The following ENOX1 variants were observed in gnomAD, a reference collection of about 807,000 sequenced individuals.
ENOX1 encodes candidate growth-related and time keeping constitutive hydroquinone (NADH) oxidase.
A neutral mutation model predicts 82.5 loss-of-function variants in ENOX1; 42 were observed. That is an observed-to-expected ratio of 0.51 (90% CI 0.40 to 0.66). The LOEUF is 0.66. Ranked by LOEUF, ENOX1 falls within the 30% of genes least tolerant of loss-of-function variation. ENOX1 has a pLI of 0.00. For synonymous variants in ENOX1, 271 were observed against 282.2 expected (o/e 0.96, Z 0.40); for missense variants, 608 against 811.6 (o/e 0.75, Z 3.05).
chr13:43,408,839 A>C (rs1317840773), intron 5 of ENOX1, among the ~76,000 whole-genome samples: 3 of 152,188 alleles, frequency 2.0e-5, no homozygotes, highest in African/African-American at 7.2e-5. Context: ...GGGGGCATGG[A>C]AAATAGGGAA....
At chr13:43,541,173 G>GTTTCTTTTTTTTTTTTTTTT (rs2078696971) in intron 2 of ENOX1, among the ~76,000 whole-genome samples, 1 of 64,574 alleles carries the variant, frequency 1.5e-5, no homozygotes, top group Non-Finnish European at 3.2e-5. Flanking sequence ...TCTTCCCTCT[G>GTTTCTTTTTTTTTTTTTTTT]TTTTTTTTTT....
chr13:43,471,383 A>G (rs1378516876), intron 3 of ENOX1, among the ~76,000 whole-genome samples: 1 of 152,202 alleles, frequency 6.6e-6, no homozygotes, highest in Non-Finnish European at 1.5e-5. Context: ...ATTCACTCAT[A>G]AAAGTTGTGT....
At chr13:43,448,451 T>G (rs1594670059) in intron 3 of ENOX1, among the ~76,000 whole-genome samples, 1 of 152,346 alleles carries the variant, frequency 6.6e-6, no homozygotes, top group African/African-American at 2.4e-5. Flanking sequence ...TTAAGAGCAT[T>G]TTTTGTTTGC....
At chr13:43,610,311 T>C (rs1041353753) in intron 2 of ENOX1, among the ~76,000 whole-genome samples, 45 of 152,338 alleles carry the variant, frequency 3.0e-4, no homozygotes, top group African/African-American at 1.1e-3. Flanking sequence ...ACTTTTCTTG[T>C]GCTGTGTATT....
At chr13:43,214,828 T>G (rs770339598) in intron 16 of ENOX1, among the ~76,000 whole-genome samples, 2 of 152,322 alleles carry the variant, frequency 1.3e-5, no homozygotes, top group East Asian at 3.9e-4. Flanking sequence ...TGTGTTAGCA[T>G]GCCAATCCAT....
At chr13:43,397,694 A>G (rs760155099) in intron 5 of ENOX1, among the ~76,000 whole-genome samples, 38 of 152,250 alleles carry the variant, frequency 2.5e-4, no homozygotes, top group Non-Finnish European at 4.9e-4. Flanking sequence ...TCTATGATAG[A>G]TAGCAAGATA....
intron 1 of ENOX1, among the ~76,000 whole-genome samples, chr13:43,685,639 G>A (rs573561296): frequency 2.9e-4 from 44 of 152,038 alleles, no homozygotes; most frequent in Middle Eastern, 6.8e-3. Context: ...TTAAGTTGCC[G>A]GTGGTAGGAT....
At chr13:43,746,555 G>C (rs565003247) in intron 1 of ENOX1, among the ~76,000 whole-genome samples, 1 of 152,202 alleles carries the variant, frequency 6.6e-6, no homozygotes, top group Admixed American at 6.5e-5. Context: ...AAGTTGAGGG[G>C]TAACAGGAAT....
At chr13:43,592,534 A>T (rs1425633495) in intron 2 of ENOX1, among the ~76,000 whole-genome samples, 3 of 152,252 alleles carry the variant, frequency 2.0e-5, no homozygotes, top group African/African-American at 7.2e-5. Context: ...AGTATCTATT[A>T]GAATGTGATT....
chr13:43,419,492 T>G (rs74677669), intron 3 of ENOX1, among the ~76,000 whole-genome samples: 7,580 of 152,044 alleles, frequency 0.05, 205 homozygotes, highest in South Asian at 0.091. Flanking sequence ...GTGCAGAGGT[T>G]CCAGTGAGCT....
chr13:43,269,354 A>T (rs1566381873), intron 13 of ENOX1, 116 bp downstream of exon 13: 2 of 794,066 alleles, frequency 2.5e-6, no homozygotes, highest in South Asian at 1.6e-5. Flanking sequence ...GACAGGGTTC[A>T]GACTAATTGT....
chr13:43,745,889 A>G (rs1246112433), intron 1 of ENOX1, among the ~76,000 whole-genome samples: 1 of 152,100 alleles, frequency 6.6e-6, no homozygotes, highest in Non-Finnish European at 1.5e-5. Flanking sequence ...GAAGAAGGAC[A>G]TGTTTGCTTC....
chr13:43,631,967 CA>C (rs2083234966), intron 2 of ENOX1, among the ~76,000 whole-genome samples: 1 of 152,166 alleles, frequency 6.6e-6, no homozygotes, highest in African/African-American at 2.4e-5. Flanking sequence ...TAACTTTACA[CA>C]AAAGAAGCAT....
chr13:43,587,550 G>A (rs1162049772), intron 2 of ENOX1, among the ~76,000 whole-genome samples: 1 of 152,078 alleles, frequency 6.6e-6, no homozygotes, highest in Non-Finnish European at 1.5e-5. Flanking sequence ...TACCTATAGA[G>A]TACTTACATG....
intron 2 of ENOX1, among the ~76,000 whole-genome samples, chr13:43,632,387 C>A (rs1276935593): frequency 6.6e-6 from 1 of 150,984 alleles, no homozygotes; most frequent in African/African-American, 2.4e-5. Flanking sequence ...TAATGTATTT[C>A]TTTTTCTAGT....
intron 2 of ENOX1, among the ~76,000 whole-genome samples, chr13:43,518,110 A>AT (rs1389703362): frequency 3.3e-5 from 5 of 152,164 alleles, no homozygotes; most frequent in Non-Finnish European, 5.9e-5. Context: ...TCAAAGAAAC[A>AT]GCATCCCCAA....
chr13:43,257,075 G>A (rs1448622687), intron 14 of ENOX1, among the ~76,000 whole-genome samples: 1 of 152,166 alleles, frequency 6.6e-6, no homozygotes, highest in Admixed American at 6.6e-5. Flanking sequence ...TAGACACCAC[G>A]TGTTCTCACT....
intron 2 of ENOX1, among the ~76,000 whole-genome samples, chr13:43,496,467 C>T (rs1375095353): frequency 6.6e-6 from 1 of 151,686 alleles, no homozygotes; most frequent in Non-Finnish European, 1.5e-5. Context: ...CTGACTGTAA[C>T]CGAGTACCCC....
At chr13:43,733,313 C>T (rs971748023) in intron 1 of ENOX1, among the ~76,000 whole-genome samples, 25 of 152,160 alleles carry the variant, frequency 1.6e-4, no homozygotes, top group Admixed American at 1.4e-3. Flanking sequence ...AACAGAAGAG[C>T]GAAGACCAGA....
Sources: gnomAD v4.1 joint callset for allele counts (sites outside exome capture counted in the v4.1 genomes callset) on GRCh38, gnomAD v4.1.1 for gene constraint, MANE v1.5 for transcripts, NCBI Gene and HGNC (gene_info 2026-07-23, HGNC 2026-07-21) for gene names.